Variants in PPP2R2B observed in about 807,000 individuals in gnomAD.
The protein encoded by PPP2R2B is protein phosphatase 2 regulatory subunit Bbeta, also known as serine/threonine-protein phosphatase 2A 55 kDa regulatory subunit B beta isoform.
Under a neutral mutation model 46.0 loss-of-function variants are expected in PPP2R2B, and 5 were observed. The ratio of observed to expected loss-of-function variants is 0.11; its 90% CI spans 0.06 to 0.23. The LOEUF is 0.23. PPP2R2B is among the 10% of genes least tolerant of loss of function. The pLI is 1.00. For missense variants in PPP2R2B, 367 were observed against 575.0 expected (o/e 0.64, Z 3.70); for synonymous variants, 215 against 206.7 (o/e 1.04, Z -0.34).
chr5:146,715,793 A>G (rs147159003), intron 2 of PPP2R2B, among the ~76,000 whole-genome samples: 116 of 151,818 alleles, frequency 7.6e-4, no homozygotes, highest in African/African-American at 2.6e-3. Flanking sequence ...TCTTGTTCCT[A>G]TTCTCTTCTG....
chr5:146,709,761 C>T (rs1780113787), intron 2 of PPP2R2B, among the ~76,000 whole-genome samples: 1 of 152,164 alleles, frequency 6.6e-6, no homozygotes. Context: ...GGGACAATAT[C>T]TTTGATGACA....
In PPP2R2B at chr5:146,650,610, A is replaced by G; in HGVS notation, c.562T>C (p.Tyr188His). 1 of 1,614,098 alleles carries G rather than the reference A, an allele frequency of 6.2e-7. No individual in the cohort carries two copies. Among genetic ancestry groups the G allele is most frequent in the Non-Finnish European group, 8.5e-7 (1 of 1,180,000 alleles). ...ATCCTCAGGTCATCAGCGGACATGT[A>G]GGTTTCATAGTCGCTGTTGACAGAT... ...SISVNSDYETYMSADDLRINL... is the reference protein window; with the variant it reads ...SISVNSDYETHMSADDLRINL... The change falls in exon 6 of 10, where the codon TAC (tyrosine) becomes CAC (histidine). Residue 188 changes from tyrosine (Y) to histidine (H), a missense_variant. Around this residue, in one of 2 missense-constraint regions of PPP2R2B, gnomAD observed 361 missense variants for 545.5 expected, o/e 0.66. Transcript: ENST00000394411.
At chr5:146,672,883 AT>A (rs775528105) in intron 5 of PPP2R2B, among the ~76,000 whole-genome samples, 65 of 152,298 alleles carry the variant, frequency 4.3e-4, no homozygotes, top group African/African-American at 1.5e-3. Flanking sequence ...AGGCATGTAC[AT>A]TTTTTTGTCT....
intron 2 of PPP2R2B, among the ~76,000 whole-genome samples, chr5:146,823,512 C>T (rs1474341554): frequency 2.6e-5 from 4 of 152,000 alleles, no homozygotes; most frequent in African/African-American, 4.8e-5. Flanking sequence ...TTTACTTAGA[C>T]GGCACACCAC....
intron 2 of PPP2R2B, among the ~76,000 whole-genome samples, chr5:146,830,892 A>G (rs966980863): frequency 1.3e-5 from 2 of 152,198 alleles, no homozygotes; most frequent in African/African-American, 4.8e-5. Context: ...TCAGTTTATG[A>G]TGAACCAATG....
rs1041021592 is a variant in PPP2R2B, at chr5:146,968,466, G to T, written c.79+87199C>A. ...GGCCAACTGGCTTGCTATGTGTCGG[G>T]CTAACATGAATGCTGGTTGCATTTT... On this transcript the variant is annotated intron_variant, in intron 1 of 8. Transcript: ENST00000336640. Among the ~76,000 whole-genome samples, 22 of 152,124 alleles carry T rather than the reference G, an allele frequency of 1.4e-4. 1 individual carries two copies. Among genetic ancestry groups the T allele is most frequent in the Admixed American group, 1.2e-3 (19 of 15,264 alleles).
At chr5:146,950,848 G>A (rs1764629556) in intron 1 of PPP2R2B, among the ~76,000 whole-genome samples, 1 of 151,874 alleles carries the variant, frequency 6.6e-6, no homozygotes, top group Admixed American at 6.6e-5. Context: ...AAACAACATA[G>A]GTATGCCATT....
At chr5:146,936,469 A>G (rs17105742) in intron 1 of PPP2R2B, among the ~76,000 whole-genome samples, 29,055 of 144,298 alleles carry the variant, frequency 0.2, 3,127 homozygotes, top group East Asian at 0.36. Context: ...TAAGCAGGAA[A>G]AGAAAAAAAA....
At chr5:147,061,619 T>A (rs1191328003) in intron 2 of PPP2R2B, among the ~76,000 whole-genome samples, 3 of 152,168 alleles carry the variant, frequency 2.0e-5, no homozygotes, top group Non-Finnish European at 4.4e-5. Flanking sequence ...TGATTGGCAG[T>A]CTGGACTGAT....
At chr5:146,974,891 A>G (rs888342692) in intron 1 of PPP2R2B, among the ~76,000 whole-genome samples, 1 of 151,910 alleles carries the variant, frequency 6.6e-6, no homozygotes, top group African/African-American at 2.4e-5. Context: ...GGGTTTCACC[A>G]TGTTAGCCAG....
intron 1 of PPP2R2B, among the ~76,000 whole-genome samples, chr5:147,043,444 C>T (rs944127879): frequency 1.3e-5 from 2 of 152,034 alleles, no homozygotes; most frequent in African/African-American, 2.4e-5. Context: ...AGACGGTCGT[C>T]AGCAAGCCAA....
chr5:147,056,206 T>C (rs28364819), upstream of PPP2R2B: 11 of 827,120 alleles, frequency 1.3e-5, no homozygotes, highest in East Asian at 1.2e-3. Context: ...GACAGCATAG[T>C]GTTCTGCCCT....
chr5:146,805,835 C>T (rs147256435), intron 2 of PPP2R2B, among the ~76,000 whole-genome samples: 445 of 152,300 alleles, frequency 2.9e-3, no homozygotes, highest in Non-Finnish European at 4.6e-3. Context: ...CACCTGTGAT[C>T]TACACCTGAC....
At chr5:146,858,796 C>T (rs945060189) in intron 2 of PPP2R2B, among the ~76,000 whole-genome samples, 2 of 152,096 alleles carry the variant, frequency 1.3e-5, no homozygotes, top group South Asian at 2.1e-4. Flanking sequence ...ATCACCAAAC[C>T]CTAGTGCTTT....
intron 2 of PPP2R2B, among the ~76,000 whole-genome samples, chr5:146,823,390 G>T (rs1036228856): frequency 6.6e-6 from 1 of 151,812 alleles, no homozygotes; most frequent in Non-Finnish European, 1.5e-5. Flanking sequence ...ATAGAGACGG[G>T]GTTTCACCAT....
intron 2 of PPP2R2B, among the ~76,000 whole-genome samples, chr5:146,867,236 T>C (rs1046806967): frequency 6.6e-6 from 1 of 152,204 alleles, no homozygotes; most frequent in South Asian, 2.1e-4. Flanking sequence ...GCTTCTGCGA[T>C]ATCTATGGTC....
chr5:146,808,389 A>G (rs140676860), intron 2 of PPP2R2B, among the ~76,000 whole-genome samples: 139 of 152,294 alleles, frequency 9.1e-4, no homozygotes, highest in Admixed American at 1.5e-3. Context: ...AGAGAATCCA[A>G]TTGCTGAAAA....
chr5:146,685,371 G>A (rs898613982), intron 5 of PPP2R2B, among the ~76,000 whole-genome samples: 1 of 152,212 alleles, frequency 6.6e-6, no homozygotes, highest in African/African-American at 2.4e-5. Flanking sequence ...GATAAAGAAA[G>A]GACATCAAAC....
chr5:147,050,671 AAC>A (rs10631399), intron 1 of PPP2R2B, among the ~76,000 whole-genome samples: 64 of 150,032 alleles, frequency 4.3e-4, no homozygotes, highest in African/African-American at 1.4e-3. Flanking sequence ...GTTAGGGATA[AAC>A]ACACACACAC....
Sources: allele counts gnomAD v4.1 joint callset (sites outside exome capture counted in the v4.1 genomes callset), GRCh38; gene constraint gnomAD v4.1.1; regional missense constraint gnomAD v4.1.1; transcripts MANE v1.5; gene names NCBI Gene and HGNC (gene_info 2026-07-23, HGNC 2026-07-21).